The following LHFPL6 variants were observed in gnomAD, a reference collection of about 807,000 sequenced individuals.
LHFPL6 encodes the protein LHFPL tetraspan subfamily member 6, also known as LHFPL tetraspan subfamily member 6 protein.
A neutral mutation model predicts 20.6 loss-of-function variants in LHFPL6; 9 were observed. The observed-to-expected ratio is 0.44, with a 90% CI of 0.26 to 0.76. The LOEUF (loss-of-function observed/expected upper bound fraction) is 0.76. Ranked by LOEUF, LHFPL6 falls within the 30% of genes least tolerant of loss-of-function variation. The pLI is 0.20. For synonymous variants in LHFPL6, 105 were observed against 98.7 expected (o/e 1.06, Z -0.38); for missense variants, 218 against 253.5 (o/e 0.86, Z 0.95).
intron 2 of LHFPL6, among the ~76,000 whole-genome samples, chr13:39,506,702 G>A (rs1167467460): frequency 6.6e-6 from 1 of 152,064 alleles, no homozygotes; most frequent in Non-Finnish European, 1.5e-5. Flanking sequence ...GGCAGAGAAG[G>A]AAGGAGGTGG....
intron 2 of LHFPL6, among the ~76,000 whole-genome samples, chr13:39,522,448 T>G (rs1566132162): frequency 6.6e-6 from 1 of 152,188 alleles, no homozygotes; most frequent in Admixed American, 6.5e-5. Flanking sequence ...AATATTATTG[T>G]GTACTGCACT....
intron 2 of LHFPL6, among the ~76,000 whole-genome samples, chr13:39,583,377 G>T (rs754881163): frequency 1.3e-5 from 2 of 151,872 alleles, no homozygotes; most frequent in South Asian, 2.1e-4. Flanking sequence ...GTTTTGCCAT[G>T]TTGCCCAGGC....
intron 2 of LHFPL6, among the ~76,000 whole-genome samples, chr13:39,460,894 A>G (rs1331698286): frequency 1.3e-5 from 2 of 152,102 alleles, no homozygotes; most frequent in Non-Finnish European, 2.9e-5. Context: ...TGGGTAAATT[A>G]CGTGTCATGG....
chr13:39,481,794 T>C (rs954212814), intron 2 of LHFPL6, among the ~76,000 whole-genome samples: 2 of 152,150 alleles, frequency 1.3e-5, no homozygotes, highest in African/African-American at 4.8e-5. Context: ...AAAAATTCAT[T>C]GCAAGATTTT....
chr13:39,569,504 T>A (rs1566144134), intron 2 of LHFPL6, among the ~76,000 whole-genome samples: 1 of 152,162 alleles, frequency 6.6e-6, no homozygotes, highest in Non-Finnish European at 1.5e-5. Flanking sequence ...ATGGTATTAT[T>A]AACCAGATGT....
intron 2 of LHFPL6, among the ~76,000 whole-genome samples, chr13:39,576,747 A>G (rs974362862): frequency 1.3e-5 from 2 of 152,156 alleles, no homozygotes; most frequent in Middle Eastern, 3.4e-3. Flanking sequence ...GATCCTCACA[A>G]CTCGGCCTCC....
intron 2 of LHFPL6, among the ~76,000 whole-genome samples, chr13:39,482,811 G>C (rs1868570473): frequency 6.6e-6 from 1 of 152,094 alleles, no homozygotes; most frequent in Non-Finnish European, 1.5e-5. Flanking sequence ...TGGAAGGGAA[G>C]GTAGAGTTTC....
intron 2 of LHFPL6, among the ~76,000 whole-genome samples, chr13:39,548,788 A>T (rs1447099554): frequency 2.0e-5 from 3 of 152,062 alleles, no homozygotes; most frequent in Non-Finnish European, 4.4e-5. Flanking sequence ...GAGGCCTGGA[A>T]CACCTTGTTG....
At chr13:39,489,022 C>T (rs1159634272) in intron 2 of LHFPL6, among the ~76,000 whole-genome samples, 1 of 152,176 alleles carries the variant, frequency 6.6e-6, no homozygotes, top group Admixed American at 6.5e-5. Flanking sequence ...CTTTACTCCA[C>T]CTCACAAATG....
At chr13:39,420,542 T>G (rs944341650) in intron 2 of LHFPL6, among the ~76,000 whole-genome samples, 1 of 152,178 alleles carries the variant, frequency 6.6e-6, no homozygotes, top group Admixed American at 6.5e-5. Context: ...AAGACTCCCT[T>G]CCAGAACTGA....
intron 2 of LHFPL6, among the ~76,000 whole-genome samples, chr13:39,456,858 G>A (rs752787775): frequency 4.6e-5 from 7 of 151,608 alleles, no homozygotes; most frequent in African/African-American, 1.5e-4. Context: ...GTGCAATGGC[G>A]TGATCTCGGC....
At chr13:39,418,509 C>T (rs545830313) in intron 2 of LHFPL6, among the ~76,000 whole-genome samples, 47 of 150,256 alleles carry the variant, frequency 3.1e-4, no homozygotes, top group African/African-American at 1.1e-3. Flanking sequence ...CCAGAAATCT[C>T]CTAACAATGC....
chr13:39,497,134 C>T (rs1006184051), intron 2 of LHFPL6, among the ~76,000 whole-genome samples: 12 of 152,204 alleles, frequency 7.9e-5, no homozygotes, highest in African/African-American at 2.9e-4. Flanking sequence ...TCAAAATCTA[C>T]TAATGCGCTT....
chr13:39,434,885 T>C (rs886589860), intron 2 of LHFPL6, among the ~76,000 whole-genome samples: 2 of 151,192 alleles, frequency 1.3e-5, no homozygotes, highest in African/African-American at 4.9e-5. Flanking sequence ...TGAAACCCCG[T>C]CTCTACTAAA....
At position 39,360,810 on chromosome 13, in the gene LHFPL6, G is replaced by GTA. The variant is rs1869854119; in HGVS notation, c.485-16758_485-16757dup. ...CAAATGCATTCTTTTATATTCAATG[G>GTA]TATAAGTTTCCCTTCTGGATTCCCA... On this transcript the variant is annotated intron_variant, in intron 3 of 3. Transcript: ENST00000379589. 2.1e-5 allele frequency among the ~76,000 whole-genome samples: 2 copies of GTA among 95,272 alleles called. 1 individual carries two copies. Among genetic ancestry groups the GTA allele is most frequent in the Non-Finnish European group, 4.9e-5 (2 of 40,622 alleles). 62.5% of individuals were successfully genotyped at this position (95,272 alleles called of 152,430 possible). A position where few individuals can be genotyped will look rare whatever the true frequency, so the allele number is the denominator to read the frequency against.
intron 2 of LHFPL6, among the ~76,000 whole-genome samples, chr13:39,441,049 A>G (rs1872113169): frequency 6.6e-6 from 1 of 151,632 alleles, no homozygotes; most frequent in African/African-American, 2.4e-5. Flanking sequence ...TACCAGTCTC[A>G]GGTATGTCTT....
chr13:39,391,265 C>T (rs1046735581), intron 2 of LHFPL6, among the ~76,000 whole-genome samples: 2 of 152,086 alleles, frequency 1.3e-5, no homozygotes, highest in Non-Finnish European at 2.9e-5. Context: ...ATTTTGATAC[C>T]ACAGCAAACC....
chr13:39,481,028 T>A (rs1235743775), intron 2 of LHFPL6, among the ~76,000 whole-genome samples: 1 of 152,234 alleles, frequency 6.6e-6, no homozygotes, highest in East Asian at 1.9e-4. Context: ...TGATGGATTT[T>A]TGGCAAATTA....
intron 3 of LHFPL6, among the ~76,000 whole-genome samples, chr13:39,378,041 A>T (rs1870338352): frequency 6.6e-6 from 1 of 152,186 alleles, no homozygotes; most frequent in Non-Finnish European, 1.5e-5. Flanking sequence ...AATTGCTTTG[A>T]ATTGCTTAGC....
Sources: allele counts gnomAD v4.1 joint callset (sites outside exome capture counted in the v4.1 genomes callset), GRCh38; gene constraint gnomAD v4.1.1; transcripts MANE v1.5; gene names NCBI Gene and HGNC (gene_info 2026-07-23, HGNC 2026-07-21).